Variants in TMEM196 observed in about 807,000 individuals in gnomAD.
TMEM196 encodes transmembrane protein 196.
TMEM196 carries 17 observed loss-of-function variants against 20.0 expected under a neutral mutation model. The observed-to-expected ratio is 0.85, with a 90% CI of 0.58 to 1.27. The LOEUF is 1.27. Among genes scored for constraint, TMEM196 ranks in the 50% most tolerant of loss-of-function variants. The pLI is 0.00. For synonymous variants in TMEM196, 113 were observed against 88.9 expected (o/e 1.27, Z -1.52); for missense variants, 267 against 223.0 (o/e 1.20, Z -1.26).
chr7:19,758,400 G>A (rs1054449631), intron 1 of TMEM196, among the ~76,000 whole-genome samples: 3 of 152,066 alleles, frequency 2.0e-5, no homozygotes, highest in Non-Finnish European at 4.4e-5. Context: ...CTAATAATTT[G>A]GGATCATTCC....
chr7:19,730,136 A>G (rs768202854), intron 1 of TMEM196, among the ~76,000 whole-genome samples: 4 of 151,944 alleles, frequency 2.6e-5, no homozygotes, highest in Admixed American at 1.3e-4. Context: ...GGCGCCTATG[A>G]TCCCAGCTAT....
At chr7:19,762,872 A>G (rs1420415706) in intron 1 of TMEM196, among the ~76,000 whole-genome samples, 1 of 152,204 alleles carries the variant, frequency 6.6e-6, no homozygotes, top group Non-Finnish European at 1.5e-5. Flanking sequence ...CAACAGATGA[A>G]TGTTCATCCA....
At position 19,736,400 on chromosome 7, in the gene TMEM196, T is replaced by TATATATATAA. The variant is rs1240197780; in HGVS notation, c.148-6963_148-6962insTTATATATAT. On this transcript the variant is annotated intron_variant, in intron 1 of 4. Coordinates refer to ENST00000405844, the MANE Select transcript of TMEM196 (RefSeq NM_001363562.2). ...ATATATATATATATATATATATATA[T>TATATATATAA]AAATTATCTCTGTAAAATGGAGAAA... is the stretch of plus-strand genomic sequence containing the variant. Among the ~76,000 whole-genome samples the TATATATATAA allele has an allele frequency of 3.7e-5, 5 of 136,092 alleles. No homozygotes were observed. The South Asian group carries it at 7.5e-4, about 21-fold the overall frequency. 89.3% of individuals were successfully genotyped at this position (136,092 alleles called of 152,430 possible).
At chr7:19,769,788 T>C (rs1049502833) in intron 1 of TMEM196, among the ~76,000 whole-genome samples, 6 of 152,186 alleles carry the variant, frequency 3.9e-5, no homozygotes, top group Non-Finnish European at 5.9e-5. Flanking sequence ...TTAGGTATTA[T>C]AAGTAATCTA....
chr7:19,721,877 G>T lies in TMEM196; in HGVS notation c.*251C>A. 2 of 519,044 alleles carry T rather than the reference G, an allele frequency of 3.9e-6. No homozygotes were observed. Among genetic ancestry groups the T allele is most frequent in the Non-Finnish European group, 6.7e-6 (2 of 297,870 alleles). The allele number at this position is 519,044 out of a possible 1,614,324, so 32.2% of individuals were successfully genotyped here. A position where few individuals can be genotyped will look rare whatever the true frequency, so the allele number is the denominator to read the frequency against. The stretch of plus-strand genomic sequence containing the variant: ...AAAGCCTCTTGAAATTATTGTACTA[G>T]AATGTTTCTGGAAAGTTTTTTACCC... On this transcript the variant is annotated 3_prime_UTR_variant, in exon 5 of 5. Coordinates refer to ENST00000405844, the MANE Select transcript of TMEM196 (RefSeq NM_001363562.2).
At chr7:19,751,284 C>A (rs190195913) in intron 1 of TMEM196, among the ~76,000 whole-genome samples, 160 of 152,330 alleles carry the variant, frequency 1.1e-3, no homozygotes, top group African/African-American at 3.7e-3. Context: ...ACTAGTGGAA[C>A]CGTATTTATG....
chr7:19,755,654 G>T (rs1300213591), intron 1 of TMEM196, among the ~76,000 whole-genome samples: 2 of 152,162 alleles, frequency 1.3e-5, no homozygotes, highest in African/African-American at 2.4e-5. Flanking sequence ...AGCCAATTCT[G>T]CCTTTCCAGT....
chr7:19,746,898 A>G (rs1465069464), intron 1 of TMEM196, among the ~76,000 whole-genome samples: 1 of 152,170 alleles, frequency 6.6e-6, no homozygotes, highest in Non-Finnish European at 1.5e-5. Flanking sequence ...TAGATTTAGA[A>G]CGTATGAGAT....
At chr7:19,726,257 A>C (rs1783996235) in intron 2 of TMEM196, among the ~76,000 whole-genome samples, 1 of 152,120 alleles carries the variant, frequency 6.6e-6, no homozygotes, top group East Asian at 1.9e-4. Flanking sequence ...CTGATTCCAA[A>C]TCTACTTTCA....
At chr7:19,764,770 T>C (rs533720816) in intron 1 of TMEM196, among the ~76,000 whole-genome samples, 2 of 152,270 alleles carry the variant, frequency 1.3e-5, no homozygotes, top group South Asian at 2.1e-4. Flanking sequence ...TGCAAAATTC[T>C]GGTAACATGG....
intron 1 of TMEM196, among the ~76,000 whole-genome samples, chr7:19,771,755 A>T (rs1785890176): frequency 6.6e-6 from 1 of 152,168 alleles, no homozygotes; most frequent in Admixed American, 6.5e-5. Context: ...TTTCTTGGAG[A>T]TTCATCCTAG....
intron 1 of TMEM196, among the ~76,000 whole-genome samples, chr7:19,761,940 C>G (rs1001224964): frequency 6.6e-6 from 1 of 152,164 alleles, no homozygotes; most frequent in African/African-American, 2.4e-5. Flanking sequence ...TGTAATGAAG[C>G]TTTCTTGTTT....
At position 19,736,399 on chromosome 7, in the gene TMEM196, A is replaced by G. The variant is rs926355761; in HGVS notation, c.148-6961T>C. ...TATATATATATATATATATATATAT[A>G]TAAATTATCTCTGTAAAATGGAGAA... On this transcript the variant is annotated intron_variant, in intron 1 of 4. Transcript: ENST00000405844. Among the ~76,000 whole-genome samples, 202 of 110,014 alleles carry G rather than the reference A, an allele frequency of 1.8e-3. 4 individuals are homozygous for G. Among genetic ancestry groups the G allele is most frequent in the African/African-American group, 6.9e-3 (198 of 28,562 alleles). 72.2% of individuals were successfully genotyped at this position (110,014 alleles called of 152,430 possible).
chr7:19,743,542 A>G (rs1027066643), intron 1 of TMEM196, among the ~76,000 whole-genome samples: 8 of 152,182 alleles, frequency 5.3e-5, no homozygotes, highest in African/African-American at 1.9e-4. Context: ...TCCTGAATAC[A>G]TTTATGCCAG....
chr7:19,753,927 G>T (rs1211193301), intron 1 of TMEM196, among the ~76,000 whole-genome samples: 1 of 152,080 alleles, frequency 6.6e-6, no homozygotes, highest in South Asian at 2.1e-4. Context: ...TTCCAGGTTT[G>T]CCACCGAAGG....
At chr7:19,725,378 A>T in intron 3 of TMEM196, 136 bp downstream of exon 3, 1 of 1,163,734 alleles carries the variant, frequency 8.6e-7, no homozygotes, top group African/African-American at 1.5e-5. Flanking sequence ...TAAAATTTCT[A>T]TTCTTAACCC....
At chr7:19,725,461 G>C in intron 3 of TMEM196, 53 bp downstream of exon 3, 6 of 1,545,554 alleles carry the variant, frequency 3.9e-6, no homozygotes, top group Non-Finnish European at 5.3e-6. Flanking sequence ...ACCCAGAGTG[G>C]ACTTCAGTCT....
intron 1 of TMEM196, among the ~76,000 whole-genome samples, chr7:19,746,148 G>C (rs1181353332): frequency 2.0e-5 from 3 of 152,088 alleles, no homozygotes; most frequent in Non-Finnish European, 2.9e-5. Context: ...CTAGCTCCAA[G>C]AACAATGGAA....
At chr7:19,743,589 A>AGGG (rs1784651826) in intron 1 of TMEM196, among the ~76,000 whole-genome samples, 1 of 152,178 alleles carries the variant, frequency 6.6e-6, no homozygotes, top group Admixed American at 6.5e-5. Context: ...GTGAAAACGA[A>AGGG]GGGGTTGGAA....
Sources: allele counts gnomAD v4.1 joint callset (sites outside exome capture counted in the v4.1 genomes callset), GRCh38; gene constraint gnomAD v4.1.1; transcripts MANE v1.5; gene names NCBI Gene and HGNC (gene_info 2026-07-23, HGNC 2026-07-21).